KATNAL2: variants seen among roughly 807,000 people sequenced by gnomAD.
The protein encoded by KATNAL2 is katanin catalytic subunit A1 like 2, also known as katanin p60 ATPase-containing subunit A-like 2.
A neutral mutation model predicts 76.3 loss-of-function variants in KATNAL2; 52 were observed. That is an observed-to-expected ratio of 0.68 (90% CI 0.55 to 0.86). The LOEUF (loss-of-function observed/expected upper bound fraction) is 0.86, where lower values mean the gene tolerates loss of function less well. Among genes scored for constraint, KATNAL2 ranks in the 40% least tolerant of loss-of-function variants. The probability of loss-of-function intolerance (pLI) is 0.00; values close to 1 mark genes in which losing one functional copy is unlikely to be tolerated. For missense variants in KATNAL2, 660 were observed against 668.9 expected (o/e 0.99, Z 0.15); for synonymous variants, 243 against 244.2 (o/e 1.00, Z 0.05).
intron 3 of KATNAL2, among the ~76,000 whole-genome samples, chr18:46,955,201 T>TTC (rs974385208): frequency 7.0e-6 from 1 of 142,660 alleles, no homozygotes; most frequent in African/African-American, 2.6e-5. Flanking sequence ...CTCTTTTTCT[T>TTC]TCTCTCTCTC....
chr18:46,925,331 T>G (rs2058695554), intron 1 of KATNAL2, among the ~76,000 whole-genome samples: 1 of 152,210 alleles, frequency 6.6e-6, no homozygotes, highest in African/African-American at 2.4e-5. Context: ...CTGCATCTAT[T>G]GAGATAATCA....
At chr18:46,942,161 C>G (rs937779066) in intron 1 of KATNAL2, among the ~76,000 whole-genome samples, 15 of 151,472 alleles carry the variant, frequency 9.9e-5, no homozygotes, top group African/African-American at 3.6e-4. Flanking sequence ...CTGACATATT[C>G]TTTGAAAAGA....
chr18:47,065,278 G>GGCAAAAACCTATCTCTA, intron 10 of KATNAL2, among the ~76,000 whole-genome samples: 1 of 152,038 alleles, frequency 6.6e-6, no homozygotes, highest in South Asian at 2.1e-4. Context: ...TGGCCAACAT[G>GGCAAAAACCTATCTCTA]GCAAAAACCT....
At chr18:46,955,995 C>T (rs1404848380) in intron 3 of KATNAL2, among the ~76,000 whole-genome samples, 1 of 152,116 alleles carries the variant, frequency 6.6e-6, no homozygotes, top group Non-Finnish European at 1.5e-5. Flanking sequence ...GTTGCTCTTG[C>T]AGAGGTTGGT....
At chr18:47,046,867 C>G (rs914582319) in intron 4 of KATNAL2, among the ~76,000 whole-genome samples, 1 of 152,156 alleles carries the variant, frequency 6.6e-6, no homozygotes, top group Admixed American at 6.5e-5. Context: ...TGGTACCATA[C>G]AAAATCATTT....
chr18:46,924,751 G>A (rs142956863), intron 1 of KATNAL2, among the ~76,000 whole-genome samples: 60,765 of 151,922 alleles, frequency 0.4, 12,603 homozygotes, highest in Middle Eastern at 0.51. Context: ...CTTGTATTTC[G>A]TTGAGCAGTG....
At chr18:47,058,124 C>T in intron 6 of KATNAL2, 111 bp from the exon 7 acceptor site, 1 of 776,230 alleles carries the variant, frequency 1.3e-6, no homozygotes. Flanking sequence ...TTGCCACCTG[C>T]ATATCTTTCA....
chr18:47,035,765 C>G (rs1171182249), intron 3 of KATNAL2: 2 of 190,158 alleles, frequency 1.1e-5, no homozygotes, highest in Non-Finnish European at 1.2e-5. Context: ...TGAGTTTTAC[C>G]GTTGACCTTC....
At chr18:46,946,763 G>A in intron 2 of KATNAL2, 91 bp from the exon 3 acceptor site, 2 of 1,272,204 alleles carry the variant, frequency 1.6e-6, no homozygotes, top group Non-Finnish European at 2.2e-6. Context: ...CTGGGCTCTA[G>A]CCAATCCGGA....
intron 3 of KATNAL2, among the ~76,000 whole-genome samples, chr18:46,968,022 G>A: frequency 8.4e-6 from 1 of 119,378 alleles, no homozygotes; most frequent in East Asian, 2.2e-4. Flanking sequence ...CGCTTGCCCA[G>A]CTCAGGCGAT....
At chr18:47,065,451 G>T (rs2576033) in intron 10 of KATNAL2, among the ~76,000 whole-genome samples, 1,719 of 150,952 alleles carry the variant, frequency 0.011, 14 homozygotes, top group Middle Eastern at 0.017. Flanking sequence ...AGAGTGTCGG[G>T]GGGGGAACAG....
At chr18:47,054,770 C>T (rs1034553262) in intron 6 of KATNAL2, among the ~76,000 whole-genome samples, 4 of 152,212 alleles carry the variant, frequency 2.6e-5, no homozygotes, top group Admixed American at 2.6e-4. Context: ...AAGTTTTGGA[C>T]ACATAGTGAG....
At position 47,077,383 on chromosome 18, in the gene KATNAL2, C is replaced by CA. The variant is rs2062288199; in HGVS notation, c.1134dup (p.Glu379ArgfsTer23). On this transcript the variant is annotated frameshift_variant, in exon 15 of 18. Transcript: ENST00000683218. LOFTEE classifies it high-confidence loss of function. ...CATGAAGGAAGCCTGCGGATGAAGA[C>CA]AGAGTTACTGGTGCAGATGGATGGG... 3 of 1,613,856 alleles carry CA rather than the reference C, an allele frequency of 1.9e-6. No individual in the cohort carries two copies. Among genetic ancestry groups the CA allele is most frequent in the Non-Finnish European group, 2.5e-6 (3 of 1,179,808 alleles).
intron 3 of KATNAL2, among the ~76,000 whole-genome samples, chr18:46,954,326 CTTTTTTTTTT>C (rs57075892): frequency 8.3e-6 from 1 of 121,138 alleles, no homozygotes; most frequent in Non-Finnish European, 1.7e-5. Context: ...TCTTCTTCGT[CTTTTTTTTTT>C]TTTTTTTTTT....
intron 3 of KATNAL2, among the ~76,000 whole-genome samples, chr18:46,955,880 C>T (rs571196790): frequency 3.9e-5 from 6 of 152,220 alleles, no homozygotes; most frequent in African/African-American, 1.4e-4. Flanking sequence ...ATTCCTTTAT[C>T]ATCATTTTAA....
intron 15 of KATNAL2, among the ~76,000 whole-genome samples, chr18:47,094,242 G>A (rs984884442): frequency 2.6e-5 from 4 of 152,160 alleles, no homozygotes; most frequent in African/African-American, 9.7e-5. Context: ...ACCTGCTGGT[G>A]CCTTGATCTT....
At chr18:47,074,576 C>T (rs2062126431) in intron 13 of KATNAL2, among the ~76,000 whole-genome samples, 1 of 152,176 alleles carries the variant, frequency 6.6e-6, no homozygotes, top group Admixed American at 6.5e-5. Context: ...TTAATCACCA[C>T]CACATCTCCC....
intron 3 of KATNAL2, chr18:47,032,663 GA>G (rs60364237): frequency 0.053 from 17,490 of 328,850 alleles, 466 homozygotes; most frequent in Non-Finnish European, 0.069. Flanking sequence ...ACTTGATTTC[GA>G]AAAAAAAAAG....
chr18:47,057,738 C>T (rs2061511186), intron 6 of KATNAL2, among the ~76,000 whole-genome samples: 1 of 152,182 alleles, frequency 6.6e-6, no homozygotes, highest in South Asian at 2.1e-4. Context: ...TTACTCATAA[C>T]ATGCTGAGAG....
Sources: gnomAD v4.1 joint callset for allele counts (sites outside exome capture counted in the v4.1 genomes callset) on GRCh38, gnomAD v4.1.1 for gene constraint, MANE v1.5 for transcripts, NCBI Gene and HGNC (gene_info 2026-07-23, HGNC 2026-07-21) for gene names.